The following LRP1B variants were observed in gnomAD, a reference collection of about 807,000 sequenced individuals.
LRP1B encodes the protein LDL receptor related protein 1B, also known as low-density lipoprotein receptor-related protein 1B.
A neutral mutation model predicts 556.6 loss-of-function variants in LRP1B; 217 were observed. The ratio of observed to expected loss-of-function variants is 0.39; its 90% CI spans 0.35 to 0.44. LRP1B has a LOEUF of 0.44. LRP1B is among the 20% of genes least tolerant of loss of function. LRP1B has a pLI of 1.00. For synonymous variants in LRP1B, 2,047 were observed against 1,865.8 expected (o/e 1.10, Z -2.50); for missense variants, 5,053 against 5,620.8 (o/e 0.90, Z 3.23).
At chr2:140,572,947 TA>T (rs1681383751) in intron 43 of LRP1B, among the ~76,000 whole-genome samples, 1 of 151,804 alleles carries the variant, frequency 6.6e-6, no homozygotes, top group African/African-American at 2.4e-5. Context: ...GTGTAGAAGC[TA>T]AAAACATCGA....
At position 141,049,187 on chromosome 2, in the gene LRP1B, C is replaced by A; in HGVS notation, c.1588G>T (p.Gly530Ter). 6.2e-7 allele frequency: 1 copy of A among 1,613,378 alleles called. No individual in the cohort carries two copies. Among genetic ancestry groups the A allele is most frequent in the Non-Finnish European group, 8.5e-7 (1 of 1,179,558 alleles). The change falls in exon 11 of 91, where the codon GGA (glycine) becomes TGA (stop). Residue 530 changes from glycine to a stop codon, truncating the protein, a stop_gained. Transcript: ENST00000389484. LOFTEE classifies it high-confidence loss of function. ...ATTCCTCTAACAATTCCTGGGCGTC[C>A]TTTCCCATAAAAGAGGAACAACTCA... ...KNELFLFYGKGRPGIVRGMDL... is the reference protein window; with the variant it reads ...KNELFLFYGK
intron 59 of LRP1B, among the ~76,000 whole-genome samples, chr2:140,481,913 C>A (rs1675125348): frequency 6.6e-6 from 1 of 152,038 alleles, no homozygotes; most frequent in African/African-American, 2.4e-5. Flanking sequence ...TGTGTCTGTT[C>A]TTTCCTAGAG....
At chr2:141,460,552 T>A (rs2105041287) in intron 3 of LRP1B, among the ~76,000 whole-genome samples, 1 of 152,254 alleles carries the variant, frequency 6.6e-6, no homozygotes, top group Middle Eastern at 3.4e-3. Context: ...AATAAAGTAA[T>A]GCTATGTCCT....
chr2:140,463,936 C>T (rs2105332589), intron 60 of LRP1B, among the ~76,000 whole-genome samples: 1 of 152,260 alleles, frequency 6.6e-6, no homozygotes, highest in African/African-American at 2.4e-5. Context: ...TGGCTCACGC[C>T]TGTAATCCCA....
intron 3 of LRP1B, among the ~76,000 whole-genome samples, chr2:141,344,899 G>A (rs577784131): frequency 1.7e-4 from 26 of 152,272 alleles, no homozygotes; most frequent in African/African-American, 6.3e-4. Flanking sequence ...CTTAGTCCCT[G>A]GGACCTAGAA....
intron 2 of LRP1B, among the ~76,000 whole-genome samples, chr2:141,606,231 ATGT>A (rs58013261): frequency 0.65 from 98,702 of 151,754 alleles, 34,755 homozygotes; most frequent in Non-Finnish European, 0.79. Flanking sequence ...ATATTGATAA[ATGT>A]TGTGTTATTA....
At chr2:141,599,631 A>T (rs1687658343) in intron 2 of LRP1B, among the ~76,000 whole-genome samples, 1 of 152,140 alleles carries the variant, frequency 6.6e-6, no homozygotes, top group Non-Finnish European at 1.5e-5. Flanking sequence ...AATTTGATCC[A>T]GAGAAAAATG....
chr2:140,728,476 G>T (rs988299213), intron 35 of LRP1B, among the ~76,000 whole-genome samples: 22 of 152,112 alleles, frequency 1.4e-4, no homozygotes, highest in Non-Finnish European at 2.9e-4. Flanking sequence ...GAGACAGCAT[G>T]TTGCATAAAC....
At chr2:141,677,643 C>T (rs1164206129) in intron 2 of LRP1B, among the ~76,000 whole-genome samples, 1 of 152,106 alleles carries the variant, frequency 6.6e-6, no homozygotes, top group Non-Finnish European at 1.5e-5. Context: ...GCATGCGCCA[C>T]CATGCCCCGT....
At chr2:142,021,312 G>C (rs1434110622) in intron 1 of LRP1B, among the ~76,000 whole-genome samples, 2 of 150,872 alleles carry the variant, frequency 1.3e-5, no homozygotes, top group East Asian at 4.0e-4. Context: ...CTCTGTGTGT[G>C]TATGTGCGTG....
chr2:141,013,166 T>C (rs1697804000), intron 14 of LRP1B, among the ~76,000 whole-genome samples: 1 of 152,024 alleles, frequency 6.6e-6, no homozygotes, highest in Admixed American at 6.6e-5. Flanking sequence ...TTTTCTTGTA[T>C]AATGCATCTT....
intron 7 of LRP1B, among the ~76,000 whole-genome samples, chr2:141,112,071 T>TAAATAATA (rs1553461490): frequency 4.9e-4 from 71 of 145,814 alleles, no homozygotes; most frequent in African/African-American, 1.2e-3. Flanking sequence ...AATAAATAAA[T>TAAATAATA]AATAAATAAA....
At chr2:141,773,824 C>T (rs60058049) in intron 2 of LRP1B, among the ~76,000 whole-genome samples, 46,036 of 152,098 alleles carry the variant, frequency 0.3, 7,307 homozygotes, top group African/African-American at 0.42. Context: ...GTGGGTTATG[C>T]GTGTGCAATC....
At chr2:141,501,716 A>G (rs16846319) in intron 2 of LRP1B, among the ~76,000 whole-genome samples, 4,726 of 152,282 alleles carry the variant, frequency 0.031, 267 homozygotes, top group African/African-American at 0.1. Context: ...ATGTAGTTGT[A>G]GCAAAGATCT....
chr2:142,027,892 CAGTT>C (rs1393660513), intron 1 of LRP1B, among the ~76,000 whole-genome samples: 3 of 151,912 alleles, frequency 2.0e-5, no homozygotes, highest in African/African-American at 4.8e-5. Flanking sequence ...TTAGAAGTCT[CAGTT>C]AGATTATCCA....
intron 1 of LRP1B, among the ~76,000 whole-genome samples, chr2:141,835,854 CATAT>C (rs1483066780): frequency 6.6e-6 from 1 of 151,656 alleles, no homozygotes; most frequent in Non-Finnish European, 1.5e-5. Context: ...TTGGTCATAA[CATAT>C]ATAATATGAA....
At chr2:142,018,199 C>A (rs917692030) in intron 1 of LRP1B, among the ~76,000 whole-genome samples, 33 of 152,194 alleles carry the variant, frequency 2.2e-4, no homozygotes, top group African/African-American at 7.7e-4. Flanking sequence ...ATTAAATGTG[C>A]CCATAATAAC....
chr2:141,840,187 G>C (rs928841827), intron 1 of LRP1B, among the ~76,000 whole-genome samples: 1 of 149,914 alleles, frequency 6.7e-6, no homozygotes, highest in Non-Finnish European at 1.5e-5. Context: ...TTGTATAATT[G>C]AGGTTATATT....
chr2:140,972,578 A>G (rs963738813), intron 18 of LRP1B, among the ~76,000 whole-genome samples: 7 of 130,700 alleles, frequency 5.4e-5, no homozygotes, highest in African/African-American at 1.4e-4. Flanking sequence ...TGTGGAATTA[A>G]TGGGAGTTAG....
Sources: gnomAD v4.1 joint callset for allele counts (sites outside exome capture counted in the v4.1 genomes callset) on GRCh38, gnomAD v4.1.1 for gene constraint, MANE v1.5 for transcripts, NCBI Gene and HGNC (gene_info 2026-07-23, HGNC 2026-07-21) for gene names.